The following PCDH15 variants were observed in gnomAD, a reference collection of about 807,000 sequenced individuals.
PCDH15 encodes the protein protocadherin related 15.
Under a neutral mutation model 178.5 loss-of-function variants are expected in PCDH15, and 129 were observed. The observed-to-expected ratio is 0.72, with a 90% CI of 0.63 to 0.84. The LOEUF (loss-of-function observed/expected upper bound fraction) is 0.84, where lower values mean the gene tolerates loss of function less well. Among genes scored for constraint, PCDH15 ranks in the 40% least tolerant of loss-of-function variants. The pLI is 0.00. For synonymous variants in PCDH15, 800 were observed against 732.0 expected (o/e 1.09, Z -1.50); for missense variants, 2,230 against 2,099.9 (o/e 1.06, Z -1.21).
chr10:55,605,063 T>C (rs1360420672), intron 2 of PCDH15, among the ~76,000 whole-genome samples: 116 of 151,722 alleles, frequency 7.6e-4, no homozygotes, highest in Non-Finnish European at 2.1e-4. Context: ...ATAAAGGGGA[T>C]ATCACCACCG....
chr10:55,023,040 CA>C (rs1435302167), intron 2 of PCDH15, among the ~76,000 whole-genome samples: 3 of 152,152 alleles, frequency 2.0e-5, no homozygotes, highest in Non-Finnish European at 4.4e-5. Flanking sequence ...CTCCCAAATT[CA>C]CGCCATTCTC....
chr10:54,348,745 T>C (rs1263204790), intron 5 of PCDH15, among the ~76,000 whole-genome samples: 1 of 152,196 alleles, frequency 6.6e-6, no homozygotes, highest in African/African-American at 2.4e-5. Context: ...TTATTAACTA[T>C]AGTTACCATG....
chr10:53,815,913 G>C (rs1267365949), intron 35 of PCDH15, among the ~76,000 whole-genome samples: 1 of 152,096 alleles, frequency 6.6e-6, no homozygotes, highest in East Asian at 1.9e-4. Context: ...GGAATGGATA[G>C]ATGAATTCAG....
At chr10:54,737,121 G>A (rs749649606) in intron 1 of PCDH15, among the ~76,000 whole-genome samples, 2 of 152,218 alleles carry the variant, frequency 1.3e-5, no homozygotes, top group Admixed American at 1.3e-4. Context: ...CATGAAAGAA[G>A]CACAGAAAGG....
chr10:53,828,463 G>T, intron 31 of PCDH15, 102 bp downstream of exon 31: 2 of 983,208 alleles, frequency 2.0e-6, no homozygotes, highest in Non-Finnish European at 1.6e-6. Context: ...CAAAACAAGG[G>T]AATAAGATGT....
At chr10:54,348,115 TG>T (rs1943606635) in intron 5 of PCDH15, among the ~76,000 whole-genome samples, 1 of 152,160 alleles carries the variant, frequency 6.6e-6, no homozygotes, top group Non-Finnish European at 1.5e-5. Flanking sequence ...CCCAAAGTGC[TG>T]GGATTACAGG....
chr10:54,142,937 AAATG>A (rs1292809157), intron 14 of PCDH15, among the ~76,000 whole-genome samples: 3 of 152,216 alleles, frequency 2.0e-5, no homozygotes, highest in African/African-American at 4.8e-5. Context: ...TTGGCTAAAT[AAATG>A]AATATTTTAT....
intron 13 of PCDH15, among the ~76,000 whole-genome samples, chr10:54,161,726 T>G (rs1333871386): frequency 6.6e-6 from 1 of 151,902 alleles, no homozygotes. Flanking sequence ...ATCCAGAAAA[T>G]GAGATGCCAG....
At chr10:55,626,489 T>A (rs1837532500) in intron 2 of PCDH15, among the ~76,000 whole-genome samples, 1 of 152,248 alleles carries the variant, frequency 6.6e-6, no homozygotes, top group Non-Finnish European at 1.5e-5. Flanking sequence ...TTCATTTATT[T>A]CACTGATTAC....
intron 9 of PCDH15, among the ~76,000 whole-genome samples, chr10:54,221,710 C>G (rs557693389): frequency 6.6e-6 from 1 of 151,988 alleles, no homozygotes; most frequent in Non-Finnish European, 1.5e-5. Flanking sequence ...TGAAGCAATT[C>G]TCCCGCCTCA....
chr10:55,242,723 T>C (rs1841583269), intron 1 of PCDH15, among the ~76,000 whole-genome samples: 1 of 152,036 alleles, frequency 6.6e-6, no homozygotes, highest in South Asian at 2.1e-4. Flanking sequence ...TTGTGATGCA[T>C]GCCTGTAGTC....
intron 21 of PCDH15, among the ~76,000 whole-genome samples, chr10:53,991,325 C>CA (rs2091465742): frequency 6.6e-6 from 1 of 151,940 alleles, no homozygotes; most frequent in South Asian, 2.1e-4. Context: ...GAGGATTGTA[C>CA]ATGCACCAAT....
intron 3 of PCDH15, among the ~76,000 whole-genome samples, chr10:54,836,168 G>C (rs1953312540): frequency 6.6e-6 from 1 of 152,146 alleles, no homozygotes; most frequent in African/African-American, 2.4e-5. Flanking sequence ...AAGATAAAGA[G>C]TTAGTGGAGA....
In PCDH15 at chr10:55,018,692, T is replaced by A. The variant is rs926887257; in HGVS notation, c.-79-121192A>T. ...TTTTAAAGAAATGAAACAATTGTTA[T>A]CTCTAAAACTTTTAGGTTTGGAAGT... On this transcript the variant is annotated intron_variant, in intron 2 of 5. Coordinates refer to the PCDH15 transcript ENST00000458638. Among the ~76,000 whole-genome samples, 4 of 152,086 alleles carry A rather than the reference T, an allele frequency of 2.6e-5. No individual in the cohort carries two copies. The South Asian group carries it at 8.3e-4, about 31-fold the overall frequency.
rs559479654 is a variant in PCDH15 at position 54,307,967 on chromosome 10, A to G, written c.876+9304T>C. ...AAACTCTTACTATTTGCTGGTAACT[A>G]GTTAAGCATGCTTCATAAATCTTCT... On this transcript the variant is annotated intron_variant, in intron 8 of 37. Transcript: ENST00000644397. Among the ~76,000 whole-genome samples, 22 of 152,188 alleles carry G rather than the reference A, an allele frequency of 1.4e-4. No homozygotes were observed. The South Asian group carries it at 3.9e-3, about 27-fold the overall frequency.
rs775646897 is a variant in PCDH15 at position 55,197,923 on chromosome 10, TAAC to T, written c.-155-31275_-155-31273del. On this transcript the variant is annotated intron_variant, in intron 1 of 5. Transcript: ENST00000458638. ...ATAAAGATTAAGATACATTTAAAGA[TAAC>T]AAATCAATATTAGTGAAGTTATTTT... 1.3e-4 allele frequency among the ~76,000 whole-genome samples: 20 copies of T among 152,262 alleles called. 1 individual carries two copies. The highest frequency in any genetic ancestry group is 9.2e-4 in the Admixed American group (14 of 15,290).
At chr10:53,953,214 GAT>G (rs2087257455) in intron 23 of PCDH15, among the ~76,000 whole-genome samples, 1 of 152,354 alleles carries the variant, frequency 6.6e-6, no homozygotes, top group East Asian at 1.9e-4. Context: ...AGTATGAAGA[GAT>G]ATATATTTCA....
intron 2 of PCDH15, among the ~76,000 whole-genome samples, chr10:55,101,113 T>A (rs1268214260): frequency 6.6e-6 from 1 of 152,132 alleles, no homozygotes; most frequent in African/African-American, 2.4e-5. Flanking sequence ...GCATGGTGAC[T>A]AATGCCTATA....
chr10:54,257,598 G>A (rs1591454719), intron 8 of PCDH15, among the ~76,000 whole-genome samples: 1 of 152,010 alleles, frequency 6.6e-6, no homozygotes, highest in Non-Finnish European at 1.5e-5. Context: ...CTGCTACTGT[G>A]AGTACGTGTA....
Sources: allele counts gnomAD v4.1 joint callset (sites outside exome capture counted in the v4.1 genomes callset), GRCh38; gene constraint gnomAD v4.1.1; transcripts MANE v1.5; gene names NCBI Gene and HGNC (gene_info 2026-07-23, HGNC 2026-07-21).